Variants in ZHX1 observed in about 807,000 individuals in gnomAD.
ZHX1 encodes the protein zinc fingers and homeoboxes protein 1.
Under a neutral mutation model 61.8 loss-of-function variants are expected in ZHX1, and 20 were observed. The ratio of observed to expected loss-of-function variants is 0.32; its 90% confidence interval spans 0.23 to 0.47. The LOEUF is 0.47. Among genes scored for constraint, ZHX1 ranks in the 20% least tolerant of loss-of-function variants. The probability of loss-of-function intolerance (pLI) is 1.00; values close to 1 mark genes in which losing one functional copy is unlikely to be tolerated. For synonymous variants in ZHX1, 318 were observed against 352.6 expected, an observed-to-expected ratio of 0.90 and a Z score of 1.10; for missense variants, 800 against 1,034.8, an observed-to-expected ratio of 0.77 and a Z score of 3.11.
chr8:123,253,080 A>G, intron 3 of ZHX1: 1 of 370,154 alleles, frequency 2.7e-6, no homozygotes, highest in Non-Finnish European at 4.8e-6. Context: ...AAAACAAAGT[A>G]AAAAAAACCC....
intron 3 of ZHX1, among the ~76,000 whole-genome samples, chr8:123,251,015 A>G (rs1825901325): frequency 6.6e-6 from 1 of 152,194 alleles, no homozygotes. Context: ...TTGAAATTGT[A>G]TAAGCCCATA....
chr8:123,261,446 C>T (rs1826262707), intron 2 of ZHX1, among the ~76,000 whole-genome samples: 1 of 146,602 alleles, frequency 6.8e-6, no homozygotes, highest in Non-Finnish European at 1.5e-5. Context: ...CAAGATTCTT[C>T]AATTCAACAA....
chr8:123,267,134 T>TA (rs1004593177), intron 2 of ZHX1, 139 bp downstream of exon 2: 43 of 610,290 alleles, frequency 7.0e-5, no homozygotes, highest in South Asian at 2.0e-4. Context: ...GAAAGTATAT[T>TA]AAAAAAAAGT....
chr8:123,254,851 T>C lies in ZHX1; in HGVS notation c.1096A>G (p.Thr366Ala), dbSNP rs1826025761. 4.3e-6 allele frequency: 7 copies of C among 1,614,210 alleles called. No individual in the cohort carries two copies. Among genetic ancestry groups the C allele is most frequent in the Non-Finnish European group, 5.1e-6 (6 of 1,180,032 alleles). Residue 366 changes from threonine (T) to alanine (A), a missense_variant, in exon 3 of 4, where the codon ACC (threonine) becomes GCC (alanine). Transcript: ENST00000395571. This position sits in a 1 kb window ranked among gnomAD's most constrained non-coding sequence, Gnocchi z 4.1. ...FNGTVHTVPQTITVIPTHIST... is the reference protein window; with the variant it reads ...FNGTVHTVPQAITVIPTHIST... The stretch of plus-strand genomic sequence containing the variant: ...ATGTGTGTAGGAATAACAGTTATGG[T>C]CTGAGGTACAGTATGCACTGTTCCA...
Position 123,253,969 on chromosome 8 carries a change from T to C in ZHX1, c.1978A>G (p.Ser660Gly). The C allele has an allele frequency of 6.2e-7, 1 of 1,614,184 alleles. No individual in the cohort carries two copies. The highest frequency in any genetic ancestry group is 8.5e-7 in the Non-Finnish European group (1 of 1,180,036). Reference sequence around the variant, plus strand: ...GTTTTTTTACATATCTTGCCTGTACTCCCTGACTTAGGTGCACCAGATTCA... The same window carrying C: ...GTTTTTTTACATATCTTGCCTGTACCCCCTGACTTAGGTGCACCAGATTCA... The part of the protein sequence containing the change: ...ADESGAPKSG[S>G]TGKICKKTPE... Residue 660 changes from serine to glycine, a missense_variant, in exon 3 of 4, where the codon AGT (serine) becomes GGT (glycine). Transcript: ENST00000395571.
intron 1 of ZHX1, among the ~76,000 whole-genome samples, chr8:123,272,097 G>C (rs1030035875): frequency 9.2e-5 from 14 of 152,220 alleles, no homozygotes; most frequent in African/African-American, 3.4e-4. Context: ...TTCTAAACTA[G>C]TTTCTATTTG....
intron 2 of ZHX1, among the ~76,000 whole-genome samples, chr8:123,258,311 T>C (rs941651296): frequency 6.6e-6 from 1 of 152,176 alleles, no homozygotes; most frequent in East Asian, 1.9e-4. Context: ...CTGTCATGAG[T>C]GGAAGCTGCC....
chr8:123,268,594 C>T (rs1244734324), intron 1 of ZHX1, among the ~76,000 whole-genome samples: 3 of 152,088 alleles, frequency 2.0e-5, no homozygotes, highest in Non-Finnish European at 4.4e-5. Flanking sequence ...CTGGTTCAAG[C>T]GATTCTCCTG....
intron 2 of ZHX1, among the ~76,000 whole-genome samples, chr8:123,264,166 A>C (rs547687041): frequency 6.6e-6 from 1 of 152,360 alleles, no homozygotes; most frequent in South Asian, 2.1e-4. Flanking sequence ...TAAAACATTC[A>C]AAGAATGATT....
chr8:123,263,735 G>A (rs1011963398), intron 2 of ZHX1, among the ~76,000 whole-genome samples: 3 of 152,014 alleles, frequency 2.0e-5, no homozygotes, highest in African/African-American at 4.8e-5. Context: ...TTGGGAGACT[G>A]AGGCAGGAGA....
Position 123,255,084 on chromosome 8 carries a change from G to A in ZHX1, c.863C>T (p.Thr288Ile), listed in dbSNP as rs776929418. The A allele has an allele frequency of 1.4e-5, 22 of 1,614,120 alleles. No individual in the cohort carries two copies. Among genetic ancestry groups the A allele is most frequent in the East Asian group, 1.1e-4 (5 of 44,884 alleles). ...ATTGTTATCCAATGCAGCATTGTAG[G>A]TGGGAATGCTATTAACAGGGATTAA... Reference protein sequence around the residue: ...KVLIPVNSIPTYNAALDNNPL... With the variant: ...KVLIPVNSIPIYNAALDNNPL... Residue 288 changes from threonine (T) to isoleucine (I), a missense_variant, in exon 3 of 4, where the codon ACC becomes ATC. Transcript: ENST00000395571.
Position 123,253,781 on chromosome 8 carries a change from C to A in ZHX1, c.2166G>T (p.Trp722Cys). The change falls in exon 3 of 4, where the codon TGG (tryptophan) becomes TGT (cysteine). Residue 722 changes from tryptophan to cysteine, a missense_variant. Trp to Cys is a radical substitution (Grantham distance 215). Coordinates refer to ENST00000395571, the MANE Select transcript of ZHX1 (RefSeq NM_007222.5). ...RYAWKNGNLK[W>C]YYYYQSANSS... Reference sequence around the variant, plus strand: ...AATTGGCGCTCTGATAGTAGTAGTACCATTTCAAGTTTCCATTCTTCCAAG... The same window carrying A: ...AATTGGCGCTCTGATAGTAGTAGTAACATTTCAAGTTTCCATTCTTCCAAG... 1 of 1,614,188 alleles carries A rather than the reference C, an allele frequency of 6.2e-7. No individual in the cohort carries two copies. Among genetic ancestry groups the A allele is most frequent in the Non-Finnish European group, 8.5e-7 (1 of 1,180,016 alleles).
At position 123,250,249 on chromosome 8, in the gene ZHX1, A is replaced by G; in HGVS notation, c.*75T>C. 1 of 453,990 alleles carries G rather than the reference A, an allele frequency of 2.2e-6. No individual in the cohort carries two copies. Among genetic ancestry groups the G allele is most frequent in the South Asian group, 1.6e-5 (1 of 64,106 alleles). 28.1% of individuals were successfully genotyped at this position (453,990 alleles called of 1,614,324 possible). Reference sequence around the variant, plus strand: ...CCCAAAACGTTTTCAATGTCATCAAAGATTGGGCAAATTCACAGTAAATCA... The same window carrying G: ...CCCAAAACGTTTTCAATGTCATCAAGGATTGGGCAAATTCACAGTAAATCA... On this transcript the variant is annotated 3_prime_UTR_variant, in exon 4 of 4. Transcript: ENST00000395571.
At chr8:123,270,649 G>A (rs551799214) in intron 1 of ZHX1, among the ~76,000 whole-genome samples, 2 of 151,810 alleles carry the variant, frequency 1.3e-5, no homozygotes, top group East Asian at 3.9e-4. Flanking sequence ...GCCGGGCGTG[G>A]GTGACACATG....
chr8:123,256,037 G>T lies in ZHX1; in HGVS notation c.-91C>A. ...TCTTCATTTGAAAACAATGGCTTTT[G>T]GTTCTTCAAGTCCATTTTTGTGCTC... On this transcript the variant is annotated 5_prime_UTR_variant, in exon 3 of 4. Coordinates refer to ENST00000395571, the MANE Select transcript of ZHX1 (RefSeq NM_007222.5). 1 of 1,248,294 alleles carries T rather than the reference G, an allele frequency of 8.0e-7. No individual in the cohort carries two copies. Among genetic ancestry groups the T allele is most frequent in the Non-Finnish European group, 1.1e-6 (1 of 912,842 alleles). 77.3% of individuals were successfully genotyped at this position (1,248,294 alleles called of 1,614,324 possible).
In ZHX1 at chr8:123,249,665, TC is replaced by T. The variant is rs1825863483; in HGVS notation, c.*658del. 1 of 152,110 alleles carries T rather than the reference TC, an allele frequency of 6.6e-6. No homozygotes were observed. The highest frequency in any genetic ancestry group is 1.5e-5 in the Non-Finnish European group (1 of 67,972). 9.4% of individuals were successfully genotyped at this position (152,110 alleles called of 1,614,324 possible). On this transcript the variant is annotated 3_prime_UTR_variant, in exon 4 of 4. Transcript: ENST00000395571. ...CAAGTAACAGTAGAAACAGTGGTATTCATGGATGTGTTTAATGAAGGATCCA... is the reference window on the plus strand; with the variant it reads ...CAAGTAACAGTAGAAACAGTGGTATTATGGATGTGTTTAATGAAGGATCCA...
At chr8:123,258,603 G>C (rs1441367287) in intron 2 of ZHX1, among the ~76,000 whole-genome samples, 3 of 152,232 alleles carry the variant, frequency 2.0e-5, no homozygotes, top group Non-Finnish European at 2.9e-5. Flanking sequence ...TAAGAAGCCT[G>C]AATTTAGGGA....
chr8:123,257,954 T>C (rs1457284834), intron 2 of ZHX1, among the ~76,000 whole-genome samples: 2 of 152,238 alleles, frequency 1.3e-5, no homozygotes, highest in African/African-American at 4.8e-5. Context: ...AGAGTAATGT[T>C]ACATTTCTGT....
intron 2 of ZHX1, among the ~76,000 whole-genome samples, chr8:123,265,337 G>A (rs1432122911): frequency 6.6e-6 from 1 of 151,714 alleles, no homozygotes; most frequent in African/African-American, 2.4e-5. Context: ...TATATATACC[G>A]AGAATGTTTG....
Sources: allele counts gnomAD v4.1 joint callset (sites outside exome capture counted in the v4.1 genomes callset), GRCh38; gene constraint gnomAD v4.1.1; non-coding constraint Gnocchi (gnomAD v3.1); transcripts MANE v1.5; gene names NCBI Gene and HGNC (gene_info 2026-07-23, HGNC 2026-07-21).